Variants in MARCHF1 observed in about 807,000 individuals in gnomAD.
The protein encoded by MARCHF1 is membrane associated ring-CH-type finger 1, also known as E3 ubiquitin-protein ligase MARCHF1.
Under a neutral mutation model 54.2 loss-of-function variants are expected in MARCHF1, and 40 were observed. The observed-to-expected ratio is 0.74, with a 90% confidence interval of 0.57 to 0.96. The LOEUF (loss-of-function observed/expected upper bound fraction) is 0.96. Among genes scored for constraint, MARCHF1 ranks in the 40% least tolerant of loss-of-function variants. The pLI is 0.00. For synonymous variants in MARCHF1, 236 were observed against 236.3 expected, an observed-to-expected ratio of 1.00 and a Z score of 0.01; for missense variants, 586 against 656.5, an observed-to-expected ratio of 0.89 and a Z score of 1.17.
chr4:163,933,267 T>C, intron 3 of MARCHF1: 1 of 681,074 alleles, frequency 1.5e-6, no homozygotes, highest in Non-Finnish European at 2.7e-6. Context: ...CCAGACAGGG[T>C]GTCATCCTTC....
intron 3 of MARCHF1, among the ~76,000 whole-genome samples, chr4:163,968,095 T>C (rs889602041): frequency 6.6e-6 from 1 of 152,200 alleles, no homozygotes; most frequent in Admixed American, 6.5e-5. Flanking sequence ...GGCAATCTTT[T>C]ATCCAGTAAC....
chr4:163,765,819 T>TATATAG (rs66528639), intron 4 of MARCHF1, among the ~76,000 whole-genome samples: 39 of 145,768 alleles, frequency 2.7e-4, no homozygotes, highest in Middle Eastern at 3.6e-3. Flanking sequence ...TATACCGGAT[T>TATATAG]ATATAGATAT....
intron 2 of MARCHF1, among the ~76,000 whole-genome samples, chr4:163,992,557 G>C (rs1029218511): frequency 2.6e-5 from 4 of 151,768 alleles, no homozygotes; most frequent in African/African-American, 9.7e-5. Context: ...CGTAGAGATG[G>C]TGTGAGATTG....
At chr4:164,206,837 T>G (rs1731619781) in intron 1 of MARCHF1, among the ~76,000 whole-genome samples, 1 of 152,090 alleles carries the variant, frequency 6.6e-6, no homozygotes, top group Non-Finnish European at 1.5e-5. Flanking sequence ...ACTTAATAAT[T>G]TTATTTAATA....
chr4:163,615,606 G>A (rs1741484730), intron 5 of MARCHF1, among the ~76,000 whole-genome samples: 1 of 152,086 alleles, frequency 6.6e-6, no homozygotes, highest in African/African-American at 2.4e-5. Context: ...AAGATTCTGT[G>A]CTGATGGAAT....
At position 163,915,832 on chromosome 4, in the gene MARCHF1, G is replaced by A. The variant is rs562230603; in HGVS notation, c.-38-61663C>T. Among the ~76,000 whole-genome samples the A allele has an allele frequency of 3.4e-4, 52 of 152,242 alleles. 1 individual carries two copies. Among genetic ancestry groups the A allele is most frequent in the South Asian group, 1.4e-3 (7 of 4,828 alleles). On this transcript the variant is annotated intron_variant, in intron 3 of 9. Coordinates refer to ENST00000514618, the MANE Select transcript of MARCHF1 (RefSeq NM_001394959.1). ...CCTTAAATAGTCAGGTAGTAAGATC[G>A]TCAGCCTTGGCCTGGATCTGAGACC...
chr4:164,095,305 T>C (rs573880300), intron 2 of MARCHF1, among the ~76,000 whole-genome samples: 4 of 152,114 alleles, frequency 2.6e-5, no homozygotes, highest in African/African-American at 4.8e-5. Flanking sequence ...AAAATAAGCA[T>C]AGTAATAGCA....
At chr4:163,721,588 A>G (rs1428151291) in intron 4 of MARCHF1, among the ~76,000 whole-genome samples, 2 of 152,146 alleles carry the variant, frequency 1.3e-5, no homozygotes, top group African/African-American at 4.8e-5. Flanking sequence ...TGATTGGAAT[A>G]GTTTCAGAAG....
intron 1 of MARCHF1, among the ~76,000 whole-genome samples, chr4:164,312,319 C>CTTTTTTTTTTTTTT (rs34613860): frequency 1.9e-5 from 2 of 103,442 alleles, no homozygotes; most frequent in Non-Finnish European, 3.7e-5. Flanking sequence ...TTTTCTTTTT[C>CTTTTTTTTTTTTTT]TTTTTTTTTT....
intron 1 of MARCHF1, among the ~76,000 whole-genome samples, chr4:164,227,394 A>C (rs1042180590): frequency 2.0e-5 from 3 of 152,130 alleles, no homozygotes; most frequent in Non-Finnish European, 4.4e-5. Context: ...GATCATAGGG[A>C]TCACAAATCA....
chr4:164,231,501 G>A (rs1732413057), intron 1 of MARCHF1, among the ~76,000 whole-genome samples: 3 of 152,152 alleles, frequency 2.0e-5, no homozygotes, highest in South Asian at 2.1e-4. Context: ...ATTTTGAAAC[G>A]GTTAACATGA....
intron 1 of MARCHF1, among the ~76,000 whole-genome samples, chr4:164,355,955 G>A (rs896343370): frequency 8.1e-6 from 1 of 122,812 alleles, no homozygotes; most frequent in Non-Finnish European, 1.8e-5. Context: ...AGTGGGCGAA[G>A]GACATGAACA....
At chr4:163,548,560 A>G (rs1018626080) in intron 8 of MARCHF1, among the ~76,000 whole-genome samples, 2 of 152,232 alleles carry the variant, frequency 1.3e-5, no homozygotes, top group South Asian at 4.1e-4. Context: ...CGCAGTTAAC[A>G]TTCTAAGGAG....
intron 4 of MARCHF1, among the ~76,000 whole-genome samples, chr4:163,802,782 G>T (rs1748117663): frequency 1.3e-5 from 2 of 152,122 alleles, no homozygotes; most frequent in Admixed American, 1.3e-4. Context: ...ACAAAATGTT[G>T]TTCTTTCCTG....
Position 164,258,306 on chromosome 4 carries a change from T to A in MARCHF1, c.-323+125564A>T, listed in dbSNP as rs934898934. Among the ~76,000 whole-genome samples, 3 of 151,794 alleles carry A rather than the reference T, an allele frequency of 2.0e-5. 1 individual carries two copies. In the East Asian group the frequency reaches 5.8e-4, roughly 29 times the overall value. On this transcript the variant is annotated intron_variant, in intron 1 of 9. Transcript: ENST00000514618. ...AGAAATACCTAATGTAGATGACTGG[T>A]TGATGGGTGCAGCAAACCACCATGG...
chr4:164,084,423 A>G (rs1755156763), intron 2 of MARCHF1, among the ~76,000 whole-genome samples: 1 of 151,924 alleles, frequency 6.6e-6, no homozygotes. Flanking sequence ...TTAGATACTC[A>G]ACCTTTACTT....
At chr4:163,917,464 G>T (rs115446411) in intron 3 of MARCHF1, among the ~76,000 whole-genome samples, 164 of 152,192 alleles carry the variant, frequency 1.1e-3, no homozygotes, top group Non-Finnish European at 2.0e-3. Context: ...TCTAATAGAT[G>T]TGTAGTGGCA....
At chr4:163,821,813 G>A (rs1748700623) in intron 4 of MARCHF1, among the ~76,000 whole-genome samples, 1 of 148,530 alleles carries the variant, frequency 6.7e-6, no homozygotes, top group African/African-American at 2.5e-5. Flanking sequence ...TTTTGTAAAA[G>A]AGAGCTCAGA....
Position 163,772,335 on chromosome 4 carries a change from T to A in MARCHF1, c.112-71472A>T, listed in dbSNP as rs111234696. Among the ~76,000 whole-genome samples the A allele has an allele frequency of 3.5e-3, 530 of 152,286 alleles. 8 individuals carry two copies. The highest frequency in any genetic ancestry group is 0.012 in the African/African-American group (494 of 41,556). On this transcript the variant is annotated intron_variant, in intron 4 of 9. Coordinates refer to ENST00000514618, the MANE Select transcript of MARCHF1 (RefSeq NM_001394959.1). The stretch of plus-strand genomic sequence containing the variant: ...AACCCAGGGTATATTAGTTTTCTAT[T>A]TCTGTGTAATAAATTGCCACAAACT...
Sources: gnomAD v4.1 joint callset for allele counts (sites outside exome capture counted in the v4.1 genomes callset) on GRCh38, gnomAD v4.1.1 for gene constraint, MANE v1.5 for transcripts, NCBI Gene and HGNC (gene_info 2026-07-23, HGNC 2026-07-21) for gene names.